The following DCLK1 variants were observed in gnomAD, a reference collection of about 807,000 sequenced individuals.
DCLK1 encodes serine/threonine-protein kinase DCLK1.
Under a neutral mutation model 86.2 loss-of-function variants are expected in DCLK1, and 16 were observed. The observed-to-expected ratio is 0.19, with a 90% confidence interval of 0.13 to 0.28. The LOEUF is 0.28. DCLK1 is among the 10% of genes least tolerant of loss of function. The pLI, the probability that DCLK1 is intolerant of heterozygous loss-of-function variation, is 1.00. For missense variants in DCLK1, 590 were observed against 940.2 expected (o/e 0.63, Z 4.87); for synonymous variants, 369 against 370.5 (o/e 1.00, Z 0.05).
At chr13:36,093,326 C>T (rs1448207742) in intron 3 of DCLK1, among the ~76,000 whole-genome samples, 1 of 152,138 alleles carries the variant, frequency 6.6e-6, no homozygotes, top group Non-Finnish European at 1.5e-5. Context: ...GTGGGTAAAA[C>T]CATCACTTCA....
intron 4 of DCLK1, among the ~76,000 whole-genome samples, chr13:35,901,277 A>G (rs547007044): frequency 8.5e-4 from 129 of 152,220 alleles, no homozygotes; most frequent in Non-Finnish European, 1.6e-3. Flanking sequence ...ACTTGAGGTC[A>G]GGAGTTCAAG....
intron 4 of DCLK1, among the ~76,000 whole-genome samples, chr13:35,902,562 A>T (rs557185416): frequency 6.6e-6 from 1 of 152,348 alleles, no homozygotes; most frequent in African/African-American, 2.4e-5. Flanking sequence ...AAGGGTAGGC[A>T]TCAGGAATGA....
intron 3 of DCLK1, among the ~76,000 whole-genome samples, chr13:36,041,054 C>G (rs1754128579): frequency 6.6e-6 from 1 of 152,104 alleles, no homozygotes; most frequent in Non-Finnish European, 1.5e-5. Context: ...ACCTCTGTTC[C>G]CTTTCATTGG....
chr13:35,935,877 T>C (rs1248210661), intron 4 of DCLK1, among the ~76,000 whole-genome samples: 1 of 152,150 alleles, frequency 6.6e-6, no homozygotes, highest in African/African-American at 2.4e-5. Context: ...AAATTATACA[T>C]CCTTCAAAGG....
chr13:36,028,196 C>T (rs1341576254), intron 3 of DCLK1, among the ~76,000 whole-genome samples: 3 of 152,162 alleles, frequency 2.0e-5, no homozygotes, highest in Non-Finnish European at 4.4e-5. Context: ...AAAATAGCAG[C>T]TCAGTGTCTA....
At chr13:35,834,210 C>T (rs1345365102) in intron 8 of DCLK1, among the ~76,000 whole-genome samples, 1 of 152,178 alleles carries the variant, frequency 6.6e-6, no homozygotes, top group Non-Finnish European at 1.5e-5. Context: ...GATTTACTAT[C>T]AGTAAAAGCA....
intron 11 of DCLK1, among the ~76,000 whole-genome samples, chr13:35,816,488 C>T (rs1450788949): frequency 6.6e-6 from 1 of 152,210 alleles, no homozygotes; most frequent in Non-Finnish European, 1.5e-5. Context: ...TTACCACTGT[C>T]ATTTATTGTA....
intron 2 of DCLK1, among the ~76,000 whole-genome samples, chr13:36,123,144 G>C (rs75237484): frequency 0.029 from 4,414 of 152,250 alleles, 62 homozygotes; most frequent in South Asian, 0.091. Flanking sequence ...GAAATGAAAA[G>C]CTAATAACAT....
chr13:35,944,752 T>C (rs1256991092), intron 4 of DCLK1, among the ~76,000 whole-genome samples: 1 of 152,110 alleles, frequency 6.6e-6, no homozygotes, highest in Non-Finnish European at 1.5e-5. Context: ...GGATGTGAAG[T>C]TCTCAGCTAA....
At chr13:36,056,435 G>C (rs1253880687) in intron 3 of DCLK1, among the ~76,000 whole-genome samples, 2 of 110,500 alleles carry the variant, frequency 1.8e-5, no homozygotes, top group East Asian at 5.6e-4. Context: ...ATGGACACAG[G>C]AAGGGGAATA....
intron 11 of DCLK1, among the ~76,000 whole-genome samples, chr13:35,811,294 G>T (rs2087136038): frequency 6.6e-6 from 1 of 151,392 alleles, no homozygotes; most frequent in African/African-American, 2.4e-5. Flanking sequence ...GCAATTTTCA[G>T]ATTGGTTTTT....
chr13:35,879,435 A>G (rs1161871462), intron 4 of DCLK1, among the ~76,000 whole-genome samples: 1 of 152,196 alleles, frequency 6.6e-6, no homozygotes, highest in Non-Finnish European at 1.5e-5. Context: ...CACAGCTCAG[A>G]TCTACTGTTC....
At position 36,111,895 on chromosome 13, in the gene DCLK1, G is replaced by A. The variant is rs750671778; in HGVS notation, c.697C>T (p.Arg233Cys). The A allele has an allele frequency of 6.2e-7, 1 of 1,613,872 alleles. No individual in the cohort carries two copies. Among genetic ancestry groups the A allele is most frequent in the Admixed American group, 1.7e-5 (1 of 60,016 alleles). ...TGTTTCCCATCCAACGTGTACAGGC[G>A]TTTCACCACTCCCGAGTCCAGCTTG... is the stretch of plus-strand genomic sequence containing the variant. ...AIKLDSGVVK[R>C]LYTLDGKQVM... is the part of the protein sequence containing the mutation. Residue 233 changes from arginine (R) to cysteine (C), a missense_variant, in exon 3 of 17, where the codon CGC (arginine) becomes TGC (cysteine). Transcript: ENST00000360631.
chr13:35,954,692 T>G (rs1877883340), intron 3 of DCLK1, among the ~76,000 whole-genome samples: 1 of 152,076 alleles, frequency 6.6e-6, no homozygotes, highest in South Asian at 2.1e-4. Context: ...AATAAAAAAT[T>G]CTTTAAAGAA....
At chr13:36,124,913 C>T (rs1384742769) in intron 2 of DCLK1, among the ~76,000 whole-genome samples, 1 of 152,090 alleles carries the variant, frequency 6.6e-6, no homozygotes, top group East Asian at 1.9e-4. Context: ...AGTCTTTTTT[C>T]TCCAACTCAT....
chr13:35,850,829 T>C, intron 6 of DCLK1: 2 of 1,520,424 alleles, frequency 1.3e-6, no homozygotes, highest in South Asian at 1.3e-5. Context: ...TTGGGTGCCC[T>C]GTGGCTCTCG....
intron 4 of DCLK1, among the ~76,000 whole-genome samples, chr13:35,939,691 C>T (rs1876974701): frequency 6.6e-6 from 1 of 152,172 alleles, no homozygotes. Flanking sequence ...CCACCATGCC[C>T]GGCCCTATAC....
chr13:36,056,999 G>T (rs1220015711), intron 3 of DCLK1, among the ~76,000 whole-genome samples: 1 of 150,446 alleles, frequency 6.6e-6, no homozygotes, highest in African/African-American at 2.4e-5. Flanking sequence ...AAGATTAGAA[G>T]ATACTGTTTT....
intron 3 of DCLK1, among the ~76,000 whole-genome samples, chr13:36,106,321 C>A (rs1885395287): frequency 6.6e-6 from 1 of 152,164 alleles, no homozygotes. Context: ...ATAGTACATT[C>A]TATTCTGAAC....
Sources: allele counts gnomAD v4.1 joint callset (sites outside exome capture counted in the v4.1 genomes callset), GRCh38; gene constraint gnomAD v4.1.1; transcripts MANE v1.5; gene names NCBI Gene and HGNC (gene_info 2026-07-23, HGNC 2026-07-21).